Variants in DPYD observed in about 807,000 individuals in gnomAD.
The protein encoded by DPYD is dihydropyrimidine dehydrogenase [NADP(+)].
In DPYD, 109 loss-of-function variants were observed where a neutral mutation model predicts 116.2. The observed-to-expected ratio is 0.94, with a 90% CI of 0.80 to 1.10. DPYD has a LOEUF of 1.10. DPYD is among the 50% of genes least tolerant of loss of function. The pLI, the probability that DPYD is intolerant of heterozygous loss-of-function variation, is 0.00. For synonymous variants in DPYD, 440 were observed against 432.0 expected (o/e 1.02, Z -0.23); for missense variants, 1,302 against 1,254.5 (o/e 1.04, Z -0.57).
At chr1:97,174,285 A>AAAGCACATGG (rs1657095877) in intron 20 of DPYD, among the ~76,000 whole-genome samples, 1 of 152,144 alleles carries the variant, frequency 6.6e-6, no homozygotes, top group African/African-American at 2.4e-5. Context: ...CCTACAAAGC[A>AAAGCACATGG]AAGCACATGG....
At chr1:97,861,327 C>G (rs1671105506) in intron 2 of DPYD, among the ~76,000 whole-genome samples, 1 of 151,556 alleles carries the variant, frequency 6.6e-6, no homozygotes, top group African/African-American at 2.4e-5. Flanking sequence ...AAAGACTTAC[C>G]AAGTTTTACA....
At chr1:97,225,055 A>G (rs113309978) in intron 19 of DPYD, among the ~76,000 whole-genome samples, 2,836 of 140,910 alleles carry the variant, frequency 0.02, 65 homozygotes, top group African/African-American at 0.066. Context: ...CTATCTATCT[A>G]TCTGTCTATC....
At chr1:97,684,667 C>T (rs548912420) in intron 7 of DPYD, among the ~76,000 whole-genome samples, 2 of 151,844 alleles carry the variant, frequency 1.3e-5, no homozygotes, top group South Asian at 2.1e-4. Context: ...GGGGATATCA[C>T]CACTGAACCC....
intron 20 of DPYD, among the ~76,000 whole-genome samples, chr1:97,100,514 A>T (rs1237680955): frequency 3.9e-5 from 6 of 152,096 alleles, no homozygotes; most frequent in Admixed American, 3.9e-4. Context: ...GCCTCAGGTT[A>T]GCAGGCTCCA....
At chr1:97,217,706 T>C (rs1220283833) in intron 19 of DPYD, among the ~76,000 whole-genome samples, 1 of 152,130 alleles carries the variant, frequency 6.6e-6, no homozygotes, top group African/African-American at 2.4e-5. Flanking sequence ...CTTTCTTTTA[T>C]CAGTTTATAA....
At chr1:97,547,095 TGCATA>T in intron 12 of DPYD, 1 of 853,438 alleles carries the variant, frequency 1.2e-6, no homozygotes, top group East Asian at 2.4e-5. Context: ...TAGAAATGGG[TGCATA>T]ATATAACTAG....
chr1:97,526,332 T>C (rs748236829), intron 12 of DPYD, among the ~76,000 whole-genome samples: 1 of 152,120 alleles, frequency 6.6e-6, no homozygotes, highest in Non-Finnish European at 1.5e-5. Flanking sequence ...CCTCTTCCAA[T>C]TGGCTTTCTC....
Position 97,279,109 on chromosome 1 carries a change from C to T in DPYD, c.2299+26150G>A, listed in dbSNP as rs1235472170. On this transcript the variant is annotated intron_variant, in intron 18 of 22. Transcript: ENST00000370192. ...GTCTGTGATATGAATGATCCTGTCA[C>T]CCAGGTAGTGAGCATAGTGGTGAAT... Among the ~76,000 whole-genome samples, 4 of 151,966 alleles carry T rather than the reference C, an allele frequency of 2.6e-5. No individual in the cohort carries two copies. The East Asian group carries it at 7.7e-4, about 29-fold the overall frequency.
At chr1:97,544,674 G>GA (rs147676795) in intron 12 of DPYD, among the ~76,000 whole-genome samples, 55,500 of 140,788 alleles carry the variant, frequency 0.39, 11,077 homozygotes, top group Non-Finnish European at 0.46. Flanking sequence ...GAAATGAACA[G>GA]AAAAAAAAAA....
intron 16 of DPYD, among the ~76,000 whole-genome samples, chr1:97,317,930 T>G (rs545878096): frequency 2.0e-5 from 3 of 152,066 alleles, no homozygotes; most frequent in Non-Finnish European, 4.4e-5. Flanking sequence ...TTGGTATAGT[T>G]CTTTAAAGAA....
At chr1:97,889,833 G>C (rs1044363428) in intron 1 of DPYD, among the ~76,000 whole-genome samples, 6 of 151,782 alleles carry the variant, frequency 4.0e-5, no homozygotes, top group Non-Finnish European at 8.8e-5. Context: ...ATCTTCTCTA[G>C]GATATATTGT....
intron 16 of DPYD, among the ~76,000 whole-genome samples, chr1:97,319,303 T>C (rs1025892917): frequency 3.3e-5 from 5 of 151,006 alleles, no homozygotes; most frequent in African/African-American, 1.2e-4. Flanking sequence ...GCTGGTTTTC[T>C]GAAAGGATCA....
At chr1:97,660,769 G>A (rs1659208589) in intron 8 of DPYD, among the ~76,000 whole-genome samples, 1 of 152,064 alleles carries the variant, frequency 6.6e-6, no homozygotes. Context: ...AACTTTTTCT[G>A]TCTTCACTAT....
intron 1 of DPYD, among the ~76,000 whole-genome samples, chr1:97,919,062 A>G (rs1351379204): frequency 6.6e-6 from 1 of 152,210 alleles, no homozygotes; most frequent in Non-Finnish European, 1.5e-5. Context: ...TGCTCCCCTA[A>G]GCTTAATGTA....
intron 1 of DPYD, among the ~76,000 whole-genome samples, chr1:97,900,181 C>T (rs1673291576): frequency 6.6e-6 from 1 of 151,876 alleles, no homozygotes. Flanking sequence ...TAGCTGCTAA[C>T]TTCAACAGAG....
At chr1:97,272,293 T>G (rs986502836) in intron 18 of DPYD, among the ~76,000 whole-genome samples, 1 of 152,196 alleles carries the variant, frequency 6.6e-6, no homozygotes. Flanking sequence ...TTCTGTTGCT[T>G]CTAGTCTGAC....
At chr1:97,643,254 C>T (rs925943861) in intron 8 of DPYD, among the ~76,000 whole-genome samples, 2 of 151,890 alleles carry the variant, frequency 1.3e-5, no homozygotes, top group Non-Finnish European at 2.9e-5. Context: ...AGCAAACAAC[C>T]CCATCAAAAA....
chr1:97,500,734 G>A (rs1218727717), intron 13 of DPYD, among the ~76,000 whole-genome samples: 2 of 151,962 alleles, frequency 1.3e-5, no homozygotes, highest in East Asian at 3.9e-4. Context: ...TTTCTCAATT[G>A]CTCACTGCAG....
chr1:97,240,303 A>G (rs1227994998), intron 18 of DPYD, among the ~76,000 whole-genome samples: 1 of 151,894 alleles, frequency 6.6e-6, no homozygotes. Context: ...ACTCAAGTTT[A>G]TTGGTGAAAA....
Sources: allele counts gnomAD v4.1 joint callset (sites outside exome capture counted in the v4.1 genomes callset), GRCh38; gene constraint gnomAD v4.1.1; transcripts MANE v1.5; gene names NCBI Gene and HGNC (gene_info 2026-07-23, HGNC 2026-07-21).